ABTB3: variants seen among roughly 807,000 people sequenced by gnomAD.
The protein encoded by ABTB3 is ankyrin repeat and BTB domain containing 3, also known as ankyrin repeat- and BTB/POZ domain-containing protein 3.
chr12:107,384,956 G>A, the ABTB3 span, among the ~76,000 whole-genome samples: 5 of 152,290 alleles, frequency 3.3e-5, no homozygotes, highest in Middle Eastern at 3.4e-3. Flanking sequence ...TCTCAGCCCC[G>A]TCACACCATG....
At chr12:107,620,464 A>T in the ABTB3 span, among the ~76,000 whole-genome samples, 1 of 147,986 alleles carries the variant, frequency 6.8e-6, no homozygotes, top group Non-Finnish European at 1.5e-5. Flanking sequence ...CCCCAACAGC[A>T]TTATGAAACA....
At chr12:107,334,943 T>G in the ABTB3 span, among the ~76,000 whole-genome samples, 1 of 152,012 alleles carries the variant, frequency 6.6e-6, no homozygotes, top group Non-Finnish European at 1.5e-5. Flanking sequence ...CCAAACTCTG[T>G]GAGTATTTCT....
At chr12:107,430,283 A>G in the ABTB3 span, among the ~76,000 whole-genome samples, 54 of 152,342 alleles carry the variant, frequency 3.5e-4, no homozygotes, top group African/African-American at 1.3e-3. Context: ...GCTTTTATAA[A>G]TAGCATCATG....
chr12:107,378,079 A>T, the ABTB3 span, among the ~76,000 whole-genome samples: 18,975 of 152,186 alleles, frequency 0.12, 1,524 homozygotes, highest in East Asian at 0.4. Context: ...TTTCACAAAC[A>T]CCAGTGGAGT....
At chr12:107,644,875 A>T in the ABTB3 span, among the ~76,000 whole-genome samples, 2,250 of 152,038 alleles carry the variant, frequency 0.015, 58 homozygotes, top group African/African-American at 0.05. Flanking sequence ...GCATAAGTTC[A>T]GGTCTCCAGC....
the ABTB3 span, among the ~76,000 whole-genome samples, chr12:107,521,885 A>G: frequency 6.6e-6 from 1 of 151,890 alleles, no homozygotes; most frequent in African/African-American, 2.4e-5. Context: ...TTCTATGACC[A>G]TTGTATTTAA....
chr12:107,402,392 A>G, the ABTB3 span, among the ~76,000 whole-genome samples: 2 of 152,152 alleles, frequency 1.3e-5, no homozygotes, highest in African/African-American at 4.8e-5. Context: ...CTGAGTCTTA[A>G]CCTCTCTGAG....
At chr12:107,580,209 A>C in the ABTB3 span, among the ~76,000 whole-genome samples, 661 of 152,246 alleles carry the variant, frequency 4.3e-3, 9 homozygotes, top group African/African-American at 0.015. Flanking sequence ...GGTTTTGAAA[A>C]CTGCCTGTAT....
chr12:107,532,750 G>GA, the ABTB3 span, among the ~76,000 whole-genome samples: 2 of 152,022 alleles, frequency 1.3e-5, no homozygotes, highest in African/African-American at 4.8e-5. Flanking sequence ...CAAAGACACA[G>GA]AAAAAATTTA....
chr12:107,381,530 G>T, the ABTB3 span, among the ~76,000 whole-genome samples: 1 of 152,226 alleles, frequency 6.6e-6, no homozygotes, highest in African/African-American at 2.4e-5. Flanking sequence ...GAACAGCAAG[G>T]GCAGATACAA....
the ABTB3 span, among the ~76,000 whole-genome samples, chr12:107,604,954 T>C: frequency 6.6e-6 from 1 of 152,214 alleles, no homozygotes; most frequent in Non-Finnish European, 1.5e-5. Flanking sequence ...GGAAATCCTG[T>C]CATTTGTGAC....
the ABTB3 span, among the ~76,000 whole-genome samples, chr12:107,442,818 C>A: frequency 6.6e-6 from 1 of 152,188 alleles, no homozygotes; most frequent in Non-Finnish European, 1.5e-5. Flanking sequence ...ATTCCCAGGG[C>A]AGCTGTCTTA....
the ABTB3 span, among the ~76,000 whole-genome samples, chr12:107,533,479 TA>T: frequency 2.0e-5 from 3 of 152,218 alleles, no homozygotes; most frequent in African/African-American, 7.2e-5. Flanking sequence ...TAGCTATATT[TA>T]TTTCAGACAA....
the ABTB3 span, among the ~76,000 whole-genome samples, chr12:107,619,425 T>C: frequency 6.6e-6 from 1 of 152,168 alleles, no homozygotes; most frequent in Non-Finnish European, 1.5e-5. Context: ...TCCTCCCATG[T>C]CTTCTTATTC....
chr12:107,522,497 A>G, the ABTB3 span, among the ~76,000 whole-genome samples: 2 of 152,064 alleles, frequency 1.3e-5, no homozygotes, highest in Non-Finnish European at 2.9e-5. Flanking sequence ...TATTATGGCA[A>G]CAAGAAACCC....
At chr12:107,490,869 C>G in the ABTB3 span, among the ~76,000 whole-genome samples, 7 of 152,122 alleles carry the variant, frequency 4.6e-5, no homozygotes, top group Non-Finnish European at 1.0e-4. Context: ...ATGATTGTCT[C>G]ACTTAATTCA....
At chr12:107,479,544 T>C in the ABTB3 span, among the ~76,000 whole-genome samples, 1 of 152,088 alleles carries the variant, frequency 6.6e-6, no homozygotes, top group Non-Finnish European at 1.5e-5. Context: ...AAGCACTAAG[T>C]AGGTGTTTGC....
chr12:107,358,977 T>C, the ABTB3 span, among the ~76,000 whole-genome samples: 1 of 152,218 alleles, frequency 6.6e-6, no homozygotes, highest in South Asian at 2.1e-4. Context: ...AGGCCAGGCC[T>C]GACTACCCCC....
chr12:107,575,947 G>A, the ABTB3 span, among the ~76,000 whole-genome samples: 1 of 152,136 alleles, frequency 6.6e-6, no homozygotes, highest in Non-Finnish European at 1.5e-5. Context: ...TGAGAGAACT[G>A]AGGCATGACA....
Sources: gnomAD v4.1 joint callset for allele counts (sites outside exome capture counted in the v4.1 genomes callset) on GRCh38, gnomAD v4.1.1 for gene constraint, MANE v1.5 for transcripts, NCBI Gene and HGNC (gene_info 2026-07-23, HGNC 2026-07-21) for gene names.